The following LRP10 variants were observed in gnomAD, a reference collection of about 807,000 sequenced individuals.
LRP10 encodes the protein low-density lipoprotein receptor-related protein 10.
A neutral mutation model predicts 58.5 loss-of-function variants in LRP10; 42 were observed. That is an observed-to-expected ratio of 0.72 (90% confidence interval 0.56 to 0.93). The LOEUF is 0.93. LRP10 is among the 40% of genes least tolerant of loss of function. The probability of loss-of-function intolerance (pLI) is 0.00; values close to 1 mark genes in which losing one functional copy is unlikely to be tolerated. For missense variants in LRP10, 872 were observed against 940.1 expected, an observed-to-expected ratio of 0.93 and a Z score of 0.95; for synonymous variants, 377 against 388.5, an observed-to-expected ratio of 0.97 and a Z score of 0.35.
chr14:22,876,259 G>A lies in LRP10; in HGVS notation c.1311G>A (p.Leu437=). ...GSDEWDCSYV[L]PRKVITAAVI... ...ATGAGTGGGACTGCTCCTATGTTCT[G>A]CCCCGCAAGGTCATTACAGCTGCAG... Residue 437 remains leucine (L), a synonymous_variant, in exon 5 of 7, where the codon CTG becomes CTA. Coordinates refer to ENST00000359591, the MANE Select transcript of LRP10 (RefSeq NM_014045.5). The A allele has an allele frequency of 5.6e-6, 9 of 1,614,182 alleles. No individual in the cohort carries two copies. The highest frequency in any genetic ancestry group is 7.6e-6 in the Non-Finnish European group (9 of 1,180,042).
intron 3 of LRP10, 47 bp from the exon 4 acceptor site, chr14:22,875,008 G>T: frequency 7.3e-7 from 1 of 1,373,142 alleles, no homozygotes; most frequent in African/African-American, 1.5e-5. Context: ...GAGAAAGCCA[G>T]CAGCAGTCAA....
Position 22,877,412 on chromosome 14 carries a change from C to A in LRP10, c.2027C>A (p.Pro676His), listed in dbSNP as rs1190130584. The A allele has an allele frequency of 1.4e-5, 23 of 1,613,750 alleles. No homozygotes were observed. Among genetic ancestry groups the A allele is most frequent in the Non-Finnish European group, 1.9e-5 (23 of 1,179,936 alleles). ...CCCCCAGGACCAACCCGGAGCCCCC[C>A]TGGACCCCACACAGCAGTCCTGGCC... ...LGPPGPTRSPPGPHTAVLALE... is the reference protein window; with the variant it reads ...LGPPGPTRSPHGPHTAVLALE... The change falls in exon 7 of 7, where the codon CCT becomes CAT. Residue 676 changes from proline (P) to histidine (H), a missense_variant. By Grantham distance (77) the Pro-to-His change is moderately conservative. Coordinates refer to ENST00000359591, the MANE Select transcript of LRP10 (RefSeq NM_014045.5). This position sits in a 1 kb window ranked among gnomAD's most constrained non-coding sequence, Gnocchi z 5.1.
rs1292972953 is a variant in LRP10 at position 22,879,236 on chromosome 14, G to T, written c.*1709G>T. On this transcript the variant is annotated 3_prime_UTR_variant, in exon 7 of 7. Coordinates refer to ENST00000359591, the MANE Select transcript of LRP10 (RefSeq NM_014045.5). ...TGAGGAAGTAGCAGAGAGGGGTGTG[G>T]GCCCATGTGCAGTTCTGGGACCCTG... 6 of 456,430 alleles carry T rather than the reference G, an allele frequency of 1.3e-5. No individual in the cohort carries two copies. In the Admixed American group the frequency reaches 1.4e-4, roughly 11 times the overall value. The allele number at this position is 456,430 out of a possible 1,614,324, so 28.3% of individuals were successfully genotyped here.
Position 22,873,438 on chromosome 14 carries a change from C to T in LRP10, c.207C>T (p.Val69=). 6.2e-7 allele frequency: 1 copy of T among 1,614,116 alleles called. No individual in the cohort carries two copies. The highest frequency in any genetic ancestry group is 8.5e-7 in the Non-Finnish European group (1 of 1,179,998). Residue 69 remains valine (V), a synonymous_variant, in exon 3 of 7, where the codon GTC becomes GTT. Coordinates refer to ENST00000359591, the MANE Select transcript of LRP10 (RefSeq NM_014045.5). ...WLILGSKEQT[V]TIRFQKLHLA... Reference sequence around the variant, plus strand: ...TCCTGGGCAGCAAGGAACAGACTGTCACCATCAGGTGAGAAGCAGAACAAG... The same window carrying T: ...TCCTGGGCAGCAAGGAACAGACTGTTACCATCAGGTGAGAAGCAGAACAAG...
Position 22,877,384 on chromosome 14 carries a change from G to A in LRP10, c.1999G>A (p.Gly667Arg), listed in dbSNP as rs545999856. ...GCGAGGCCGCCTGTTGCCCAGCCTG[G>A]GGCCCCCAGGACCAACCCGGAGCCC... ...ALRGRLLPSLGPPGPTRSPPG... is the reference protein window; with the variant it reads ...ALRGRLLPSLRPPGPTRSPPG... The change falls in exon 7 of 7, where the codon GGG (glycine) becomes AGG (arginine). Residue 667 changes from glycine to arginine, a missense_variant. Coordinates refer to ENST00000359591, the MANE Select transcript of LRP10 (RefSeq NM_014045.5). This position sits in a 1 kb window ranked among gnomAD's most constrained non-coding sequence, Gnocchi z 5.1. The A allele has an allele frequency of 6.2e-7, 1 of 1,613,748 alleles. No individual in the cohort carries two copies. Among genetic ancestry groups the A allele is most frequent in the South Asian group, 1.1e-5 (1 of 91,048 alleles).
At chr14:22,874,278 T>G (rs2039981546) in intron 3 of LRP10, among the ~76,000 whole-genome samples, 1 of 152,196 alleles carries the variant, frequency 6.6e-6, no homozygotes, top group Non-Finnish European at 1.5e-5. Flanking sequence ...GAGGGCAATC[T>G]GTGGAGAGGC....
intron 3 of LRP10, 28 bp downstream of exon 3, chr14:22,873,474 C>T: frequency 6.2e-7 from 1 of 1,611,072 alleles, no homozygotes; most frequent in Non-Finnish European, 8.5e-7. Context: ...AGCAAGAACC[C>T]ATTCTTCTCC....
Position 22,879,097 on chromosome 14 carries a change from A to G in LRP10, c.*1570A>G, listed in dbSNP as rs567668806. Reference sequence around the variant, plus strand: ...CCTAGCCCCACGCCTGGCAGAGCCCATCACCCAGCCTAGCCCCACACCTGG... The same window carrying G: ...CCTAGCCCCACGCCTGGCAGAGCCCGTCACCCAGCCTAGCCCCACACCTGG... On this transcript the variant is annotated 3_prime_UTR_variant, in exon 7 of 7. Coordinates refer to ENST00000359591, the MANE Select transcript of LRP10 (RefSeq NM_014045.5). 52 of 440,876 alleles carry G rather than the reference A, an allele frequency of 1.2e-4. 1 individual carries two copies. Among genetic ancestry groups the G allele is most frequent in the South Asian group, 8.1e-4 (51 of 63,320 alleles). 27.3% of individuals were successfully genotyped at this position (440,876 alleles called of 1,614,324 possible). A position where few individuals can be genotyped will look rare whatever the true frequency, so the allele number is the denominator to read the frequency against.
Position 22,880,219 on chromosome 14 carries a change from C to G in LRP10, c.*2692C>G, listed in dbSNP as rs2040048052. ...GTGAAACCCTGTCTCTACTAAAATA[C>G]AAAAAAGTAGCCAGGTGTGGCGGCA... On this transcript the variant is annotated 3_prime_UTR_variant, in exon 7 of 7. Coordinates refer to ENST00000359591, the MANE Select transcript of LRP10 (RefSeq NM_014045.5). 6.6e-6 allele frequency: 1 copy of G among 151,456 alleles called. No individual in the cohort carries two copies. The highest frequency in any genetic ancestry group is 1.5e-5 in the Non-Finnish European group (1 of 67,856). The allele number at this position is 151,456 out of a possible 1,614,324, so 9.4% of individuals were successfully genotyped here. A position where few individuals can be genotyped will look rare whatever the true frequency, so the allele number is the denominator to read the frequency against.
At chr14:22,872,964 A>G (rs2039971465) in intron 2 of LRP10, 182 bp downstream of exon 2, 2 of 642,320 alleles carry the variant, frequency 3.1e-6, no homozygotes, top group South Asian at 3.9e-5. Flanking sequence ...GTTGCTATGT[A>G]CTATTTTATT....
intron 6 of LRP10, 22 bp downstream of exon 6, chr14:22,876,840 T>C (rs1416952090): frequency 6.2e-7 from 1 of 1,611,416 alleles, no homozygotes; most frequent in South Asian, 1.1e-5. Flanking sequence ...CCCACAACCC[T>C]AGCACCTCCT....
chr14:22,875,889 C>T lies in LRP10; in HGVS notation c.941C>T (p.Pro314Leu). Reference protein sequence around the residue: ...VRGYCLPWDRPCGLGSGLGAG... With the variant: ...VRGYCLPWDRLCGLGSGLGAG... ...GGCTATTGCTTGCCTTGGGACAGAC[C>T]CTGTGGCTTAGGCTCTGGCCTGGGA... The change falls in exon 5 of 7, where the codon CCC (proline) becomes CTC (leucine). Residue 314 changes from proline (P) to leucine (L), a missense_variant. Transcript: ENST00000359591. 1 of 1,613,520 alleles carries T rather than the reference C, an allele frequency of 6.2e-7. No individual in the cohort carries two copies.
Position 22,872,349 on chromosome 14 carries a change from A to G in LRP10, c.34+12A>G, listed in dbSNP as rs202073603. On this transcript the variant is annotated intron_variant, in intron 1 of 6. Transcript: ENST00000359591. ...CCTCCTCCTCCTTGGTAAGAACCGA[A>G]ACGATACCAACCCCCAGCCTTCTGT... 6.2e-7 allele frequency: 1 copy of G among 1,613,866 alleles called. No homozygotes were observed. Among genetic ancestry groups the G allele is most frequent in the Non-Finnish European group, 8.5e-7 (1 of 1,179,884 alleles).
In LRP10 at chr14:22,875,533, C is replaced by A. The variant is rs749058103; in HGVS notation, c.585C>A (p.Thr195=). ...RPVPSLPCNV[T]LEDFYGVFSS... ...TCCCCTCCCTGCCTTGCAATGTCAC[C>A]TTGGAGGACTTCTATGGGGTCTTCT... The change falls in exon 5 of 7, where the codon ACC becomes ACA. Residue 195 remains threonine (T), a synonymous_variant. Transcript: ENST00000359591. 6.2e-7 allele frequency: 1 copy of A among 1,614,204 alleles called. No homozygotes were observed. The highest frequency in any genetic ancestry group is 1.1e-5 in the South Asian group (1 of 91,086).
rs1174280067 is a variant in LRP10 at position 22,878,523 on chromosome 14, A to G, written c.*996A>G. The G allele has an allele frequency of 6.5e-6, 1 of 153,058 alleles. No individual in the cohort carries two copies. Among genetic ancestry groups the G allele is most frequent in the East Asian group, 1.9e-4 (1 of 5,216 alleles). 9.5% of individuals were successfully genotyped at this position (153,058 alleles called of 1,614,324 possible). A position where few individuals can be genotyped will look rare whatever the true frequency, so the allele number is the denominator to read the frequency against. Reference sequence around the variant, plus strand: ...CACCAGGCATTTAGCAGTCTGTCCTATGCAAGACAGATGAATTCTCAGCCA... The same window carrying G: ...CACCAGGCATTTAGCAGTCTGTCCTGTGCAAGACAGATGAATTCTCAGCCA... On this transcript the variant is annotated 3_prime_UTR_variant, in exon 7 of 7. Coordinates refer to ENST00000359591, the MANE Select transcript of LRP10 (RefSeq NM_014045.5).
In LRP10 at chr14:22,877,458, G is replaced by C; in HGVS notation, c.2073G>C (p.Val691=). Residue 691 remains valine, a synonymous_variant, in exon 7 of 7, where the codon GTG becomes GTC. Transcript: ENST00000359591. The surrounding 1 kb of genome is among the most constrained non-coding windows in gnomAD (Gnocchi z 5.1). ...AVLALEDEDD[V]LLVPLAEPGV... Reference sequence around the variant, plus strand: ...TGGCCCTGGAAGATGAGGACGATGTGCTACTGGTGCCACTGGCTGAGCCGG... The same window carrying C: ...TGGCCCTGGAAGATGAGGACGATGTCCTACTGGTGCCACTGGCTGAGCCGG... 2.5e-6 allele frequency: 4 copies of C among 1,613,258 alleles called. No individual in the cohort carries two copies. Among genetic ancestry groups the C allele is most frequent in the Non-Finnish European group, 3.4e-6 (4 of 1,179,858 alleles).
Position 22,877,553 on chromosome 14 carries a change from C to G in LRP10, c.*26C>G. 1 of 1,517,952 alleles carries G rather than the reference C, an allele frequency of 6.6e-7. No homozygotes were observed. Among genetic ancestry groups the G allele is most frequent in the Non-Finnish European group, 8.9e-7 (1 of 1,125,130 alleles). The allele number at this position is 1,517,952 out of a possible 1,614,324, so 94.0% of individuals were successfully genotyped here. On this transcript the variant is annotated 3_prime_UTR_variant, in exon 7 of 7. Transcript: ENST00000359591. The surrounding 1 kb of genome is among the most constrained non-coding windows in gnomAD (Gnocchi z 5.1). ...GGGGACCTGGGGGCTCTACTGAGGC[C>G]TCTCCCCTGGGGGCTCTACTCATAG...
chr14:22,875,094 A>C lies in LRP10; in HGVS notation c.255A>C (p.Leu85Phe). The change falls in exon 4 of 7, where the codon TTA (leucine) becomes TTC (phenylalanine). Residue 85 changes from leucine to phenylalanine, a missense_variant. By Grantham distance (22) the Leu-to-Phe change is conservative. Coordinates refer to ENST00000359591, the MANE Select transcript of LRP10 (RefSeq NM_014045.5). The stretch of plus-strand genomic sequence containing the variant: ...ACCTGGCCTGTGGCTCAGAGCGCTT[A>C]ACCCTACGCTCCCCTCTCCAGCCAC... ...KLHLACGSERLTLRSPLQPLI... is the reference protein window; with the variant it reads ...KLHLACGSERFTLRSPLQPLI... 1 of 1,607,648 alleles carries C rather than the reference A, an allele frequency of 6.2e-7. No homozygotes were observed. The highest frequency in any genetic ancestry group is 1.1e-5 in the South Asian group (1 of 89,912).
rs374439837 is a variant in LRP10 at position 22,872,788 on chromosome 14, T to G, written c.79+6T>G. The G allele has an allele frequency of 6.2e-7, 1 of 1,614,076 alleles. No homozygotes were observed. The highest frequency in any genetic ancestry group is 1.7e-5 in the Admixed American group (1 of 60,016). The stretch of plus-strand genomic sequence containing the variant: ...GATTATTTTTCCAAATCATGGTGAG[T>G]TGAGGGAACCTCTGGGGCTCCGTGG... On this transcript the variant is annotated splice_donor_region_variant and intron_variant, in intron 2 of 6. Coordinates refer to ENST00000359591, the MANE Select transcript of LRP10 (RefSeq NM_014045.5).
Sources: gnomAD v4.1 joint callset for allele counts (sites outside exome capture counted in the v4.1 genomes callset) on GRCh38, gnomAD v4.1.1 for gene constraint, Gnocchi (gnomAD v3.1) non-coding constraint, MANE v1.5 for transcripts, NCBI Gene and HGNC (gene_info 2026-07-23, HGNC 2026-07-21) for gene names.